The following POR variants were observed in gnomAD, a reference collection of about 807,000 sequenced individuals.
The protein encoded by POR is cytochrome p450 oxidoreductase.
A neutral mutation model predicts 84.0 loss-of-function variants in POR; 56 were observed. The ratio of observed to expected loss-of-function variants is 0.67; its 90% CI spans 0.54 to 0.83. The LOEUF is 0.83. Among genes scored for constraint, POR ranks in the 40% least tolerant of loss-of-function variants. The probability of loss-of-function intolerance (pLI) is 0.00; values close to 1 mark genes in which losing one functional copy is unlikely to be tolerated. For missense variants in POR, 938 were observed against 944.3 expected (o/e 0.99, Z 0.09); for synonymous variants, 414 against 400.5 (o/e 1.03, Z -0.40).
chr7:75,936,810 C>G (rs973467625), intron 1 of POR, among the ~76,000 whole-genome samples: 1 of 148,530 alleles, frequency 6.7e-6, no homozygotes, highest in Non-Finnish European at 1.5e-5. Flanking sequence ...CTCTGTTTCT[C>G]TTATTATTAT....
intron 3 of POR, among the ~76,000 whole-genome samples, chr7:75,974,852 T>C (rs1788606284): frequency 6.6e-6 from 1 of 152,170 alleles, no homozygotes; most frequent in African/African-American, 2.4e-5. Flanking sequence ...TAATAGATTC[T>C]CTCTTCACAT....
chr7:75,977,853 C>A (rs1788768386), intron 3 of POR, among the ~76,000 whole-genome samples: 1 of 152,196 alleles, frequency 6.6e-6, no homozygotes, highest in African/African-American at 2.4e-5. Context: ...TGCAGAGAAC[C>A]TCACATGTGC....
Position 75,935,619 on chromosome 7 carries a change from T to TTGTGTG in POR, c.-4-18324_-4-18319dup, listed in dbSNP as rs57899780. Among the ~76,000 whole-genome samples the TTGTGTG allele has an allele frequency of 8.3e-3, 1,088 of 131,352 alleles. 4 individuals are homozygous for TTGTGTG. The highest frequency in any genetic ancestry group is 8.9e-3 in the Non-Finnish European group (542 of 60,840). The allele number at this position is 131,352 out of a possible 152,430, so 86.2% of individuals were successfully genotyped here. A position where few individuals can be genotyped will look rare whatever the true frequency, so the allele number is the denominator to read the frequency against. Reference sequence around the variant, plus strand: ...CCTTTTTCCAAGGGCTGCTCGGGGCTTGTGTGTGTGTGTGTGTGTGTGTGT... The same window carrying TTGTGTG: ...CCTTTTTCCAAGGGCTGCTCGGGGCTTGTGTGTGTGTGTGTGTGTGTGTGTGTGTGT... On this transcript the variant is annotated intron_variant, in intron 1 of 15. Transcript: ENST00000461988.
chr7:75,936,086 C>CTTTTTTTTTTT (rs869164954), intron 1 of POR, among the ~76,000 whole-genome samples: 1 of 99,790 alleles, frequency 1.0e-5, no homozygotes, highest in Non-Finnish European at 2.0e-5. Flanking sequence ...TTCTTTCTTT[C>CTTTTTTTTTTT]TTTTTTTTTT....
chr7:75,967,948 C>G, intron 2 of POR: 1 of 427,786 alleles, frequency 2.3e-6, no homozygotes, highest in East Asian at 7.2e-5. Flanking sequence ...GCCACGGGCC[C>G]AGGCAACTTC....
intron 6 of POR, 143 bp from the exon 7 acceptor site, chr7:75,981,374 C>T (rs1195585082): frequency 1.7e-6 from 2 of 1,195,228 alleles, no homozygotes; most frequent in Admixed American, 5.0e-5. Context: ...CTTCCTGATG[C>T]TCTGGGTTTA....
chr7:75,947,229 G>C (rs1203110367), intron 1 of POR: 1 of 152,128 alleles, frequency 6.6e-6, no homozygotes, highest in Non-Finnish European at 1.5e-5. Context: ...AGGACATTTG[G>C]GATCTGTCCA....
chr7:75,986,803 GTAAATAATTT>G lies in POR; in HGVS notation c.*330_*339del. 1 of 577,014 alleles carries G rather than the reference GTAAATAATTT, an allele frequency of 1.7e-6. No homozygotes were observed. 35.7% of individuals were successfully genotyped at this position (577,014 alleles called of 1,614,324 possible). On this transcript the variant is annotated 3_prime_UTR_variant, in exon 16 of 16. Coordinates refer to ENST00000461988, the MANE Select transcript of POR (RefSeq NM_000941.3). ...CCCCTCCACGTGATTTCCAGTGAGTGTAAATAATTTTAAATAACCTCTGGCCCTTGGAATA... is the reference window on the plus strand; with the variant it reads ...CCCCTCCACGTGATTTCCAGTGAGTGTAAATAACCTCTGGCCCTTGGAATA...
chr7:75,967,409 GTCTT>G (rs1481615533), intron 2 of POR, among the ~76,000 whole-genome samples: 4 of 152,286 alleles, frequency 2.6e-5, no homozygotes, highest in African/African-American at 9.6e-5. Flanking sequence ...GGGAAGGTGT[GTCTT>G]TCATGGCACA....
intron 1 of POR, among the ~76,000 whole-genome samples, chr7:75,947,711 C>T (rs917063570): frequency 6.6e-6 from 1 of 152,124 alleles, no homozygotes; most frequent in Non-Finnish European, 1.5e-5. Context: ...TTATTGCGCC[C>T]TGGATTCTGC....
At chr7:75,969,023 A>G (rs1554555756) in intron 2 of POR, among the ~76,000 whole-genome samples, 2 of 152,216 alleles carry the variant, frequency 1.3e-5, no homozygotes, top group East Asian at 3.8e-4. Flanking sequence ...CAGCTCGTCC[A>G]AGAGGCCTTT....
intron 1 of POR, among the ~76,000 whole-genome samples, chr7:75,930,765 G>A (rs1319762392): frequency 2.6e-5 from 4 of 151,978 alleles, no homozygotes; most frequent in East Asian, 1.9e-4. Context: ...CAGGTGATCC[G>A]CCCACCTCGA....
intron 3 of POR, among the ~76,000 whole-genome samples, chr7:75,976,449 A>AG (rs1396171693): frequency 6.6e-6 from 1 of 151,036 alleles, no homozygotes; most frequent in Non-Finnish European, 1.5e-5. Flanking sequence ...TCTAAAAAAA[A>AG]AAAAAATCCT....
At chr7:75,933,376 G>GT (rs200575911) in intron 1 of POR, among the ~76,000 whole-genome samples, 1,191 of 92,076 alleles carry the variant, frequency 0.013, 121 homozygotes, top group Non-Finnish European at 0.017. Flanking sequence ...ATAGGTCTTT[G>GT]TTTTTTTTTT....
intron 2 of POR, among the ~76,000 whole-genome samples, chr7:75,960,153 C>T (rs1390359818): frequency 4.0e-5 from 6 of 151,786 alleles, no homozygotes; most frequent in Admixed American, 6.6e-5. Flanking sequence ...TAGCCAGGCA[C>T]GGTAGCATAC....
chr7:75,925,702 T>A (rs1471027358), intron 1 of POR, among the ~76,000 whole-genome samples: 1 of 152,168 alleles, frequency 6.6e-6, no homozygotes, highest in Non-Finnish European at 1.5e-5. Context: ...AGATGAAAGA[T>A]GATGTTGGCC....
intron 4 of POR, 127 bp from the exon 5 acceptor site, chr7:75,980,212 C>T: frequency 1.7e-6 from 2 of 1,145,044 alleles, no homozygotes; most frequent in Non-Finnish European, 2.4e-6. Context: ...TCTCTGATCC[C>T]ACGACACTCA....
chr7:75,976,061 G>A lies in POR; in HGVS notation c.238-3390G>A, dbSNP rs952219267. On this transcript the variant is annotated intron_variant, in intron 3 of 15. Transcript: ENST00000461988. The stretch of plus-strand genomic sequence containing the variant: ...ATAATCGGGGTGCTTTTCCATTGGC[G>A]TGAGTCCTTTGTGTGTAGTTCAGTA... Among the ~76,000 whole-genome samples, 7 of 151,938 alleles carry A rather than the reference G, an allele frequency of 4.6e-5. No individual in the cohort carries two copies. The East Asian group carries it at 1.3e-3, about 29-fold the overall frequency.
Position 75,957,419 on chromosome 7 carries a change from T to C in POR, c.188+3239T>C, listed in dbSNP as rs967774597. ...TACTTTTGATAAAAAAGCGTAGTAG[T>C]ACTCAAGATAAAGAGACCAGGGTCC... On this transcript the variant is annotated intron_variant, in intron 2 of 15. Coordinates refer to ENST00000461988, the MANE Select transcript of POR (RefSeq NM_000941.3). Among the ~76,000 whole-genome samples, 3 of 152,120 alleles carry C rather than the reference T, an allele frequency of 2.0e-5. No homozygotes were observed. The East Asian group carries it at 5.8e-4, about 29-fold the overall frequency.
Sources: gnomAD v4.1 joint callset for allele counts (sites outside exome capture counted in the v4.1 genomes callset) on GRCh38, gnomAD v4.1.1 for gene constraint, MANE v1.5 for transcripts, NCBI Gene and HGNC (gene_info 2026-07-23, HGNC 2026-07-21) for gene names.